Variants in FAM167A observed in about 807,000 individuals in gnomAD.
FAM167A encodes family with sequence similarity 167 member A.
FAM167A carries 23 observed loss-of-function variants against 14.9 expected under a neutral mutation model. That is an observed-to-expected ratio of 1.55 (90% confidence interval 1.11 to 2.19). The LOEUF (loss-of-function observed/expected upper bound fraction) is 2.19, where lower values mean the gene tolerates loss of function less well. FAM167A is among the 30% of genes most tolerant of loss of function. The pLI is 0.00. For synonymous variants in FAM167A, 174 were observed against 117.7 expected, an observed-to-expected ratio of 1.48 and a Z score of -3.10; for missense variants, 401 against 281.5, an observed-to-expected ratio of 1.42 and a Z score of -3.04.
chr8:11,463,461 G>A (rs1354957310), intron 1 of FAM167A, among the ~76,000 whole-genome samples: 2 of 152,234 alleles, frequency 1.3e-5, no homozygotes, highest in Non-Finnish European at 2.9e-5. Flanking sequence ...CCTAGGGGCT[G>A]CTGTGCCCAG....
chr8:11,449,662 CCAG>C (rs751779155), intron 1 of FAM167A, among the ~76,000 whole-genome samples: 1 of 152,228 alleles, frequency 6.6e-6, no homozygotes, highest in Admixed American at 6.5e-5. Flanking sequence ...GGCAGGCCAC[CCAG>C]CAGCAGTGGG....
At chr8:11,428,487 T>C (rs1805342005) in intron 2 of FAM167A, among the ~76,000 whole-genome samples, 1 of 152,214 alleles carries the variant, frequency 6.6e-6, no homozygotes, top group Non-Finnish European at 1.5e-5. Context: ...AAGCTGCAGC[T>C]TCAACAGGGA....
chr8:11,458,799 A>C (rs79396650), intron 1 of FAM167A, among the ~76,000 whole-genome samples: 2 of 151,966 alleles, frequency 1.3e-5, no homozygotes, highest in Admixed American at 6.5e-5. Flanking sequence ...AAAAAAACAG[A>C]AAGAGAGAGA....
At chr8:11,464,580 C>A (rs1392459580) in intron 1 of FAM167A, among the ~76,000 whole-genome samples, 1 of 152,240 alleles carries the variant, frequency 6.6e-6, no homozygotes, top group Non-Finnish European at 1.5e-5. Flanking sequence ...GCCAGCCAGG[C>A]TAATCCTAAG....
chr8:11,475,484 T>C (rs998448726), intron 1 of FAM167A, among the ~76,000 whole-genome samples: 1 of 151,980 alleles, frequency 6.6e-6, no homozygotes, highest in African/African-American at 2.4e-5. Context: ...TCTCAGAGTC[T>C]AAAAGAAATC....
At chr8:11,435,616 T>C (rs1182627911) in intron 2 of FAM167A, among the ~76,000 whole-genome samples, 1 of 152,124 alleles carries the variant, frequency 6.6e-6, no homozygotes, top group Non-Finnish European at 1.5e-5. Flanking sequence ...CCCTCTGGGA[T>C]CTCCCACTGC....
Position 11,423,228 on chromosome 8 carries a change from A to G in FAM167A, c.*1145T>C, listed in dbSNP as rs3021510. 13,260 of 152,214 alleles carry G rather than the reference A, an allele frequency of 0.087. 623 individuals are homozygous for G. The highest frequency in any genetic ancestry group is 0.18 in the Middle Eastern group (54 of 292). 9.4% of individuals were successfully genotyped at this position (152,214 alleles called of 1,614,324 possible). ...CCCCTGCCATGCCGTATGACCCCAG[A>G]CTGACCTCCCTAACCTGCTGGGGTC... is the stretch of plus-strand genomic sequence containing the variant. On this transcript the variant is annotated 3_prime_UTR_variant, in exon 3 of 3. Coordinates refer to ENST00000284486, the MANE Select transcript of FAM167A (RefSeq NM_053279.3).
chr8:11,469,046 T>C (rs1412394590), upstream of FAM167A, among the ~76,000 whole-genome samples: 1 of 152,234 alleles, frequency 6.6e-6, no homozygotes, highest in Admixed American at 6.5e-5. Context: ...CAGAATGGTA[T>C]GTAGCCATAG....
intron 2 of FAM167A, among the ~76,000 whole-genome samples, chr8:11,441,139 C>T (rs1482189658): frequency 2.0e-5 from 3 of 152,192 alleles, no homozygotes; most frequent in Admixed American, 6.5e-5. Context: ...GAGTGTGGTT[C>T]TTGGACCACT....
chr8:11,447,182 TC>T (rs199517546), intron 1 of FAM167A, among the ~76,000 whole-genome samples: 6 of 110,456 alleles, frequency 5.4e-5, no homozygotes, highest in East Asian at 7.1e-4. Context: ...TGGTTTCTTT[TC>T]TTTTTCTTTT....
At chr8:11,467,889 C>A (rs1563396106), upstream of FAM167A, among the ~76,000 whole-genome samples, 1 of 152,262 alleles carries the variant, frequency 6.6e-6, no homozygotes, top group Non-Finnish European at 1.5e-5. Context: ...CCTAGTCATG[C>A]TAATGAGGGA....
chr8:11,444,621 C>T lies in FAM167A; in HGVS notation c.-210G>A, dbSNP rs3021515. ...CGCACAGGGCGCCCTCCTGGAGGCT[C>T]GGGTCTATGATCCGTCCTGGAAGCC... On this transcript the variant is annotated 5_prime_UTR_variant, in exon 2 of 3. Transcript: ENST00000284486. 100 of 1,362,128 alleles carry T rather than the reference C, an allele frequency of 7.3e-5. No individual in the cohort carries two copies. The highest frequency in any genetic ancestry group is 2.7e-4 in the Middle Eastern group (1 of 3,714). 84.4% of individuals were successfully genotyped at this position (1,362,128 alleles called of 1,614,324 possible).
chr8:11,435,031 C>T (rs528976142), intron 2 of FAM167A: 1 of 456,888 alleles, frequency 2.2e-6, no homozygotes, highest in African/African-American at 2.0e-5. Flanking sequence ...GCCTGCCTCC[C>T]CCCCTCACTC....
intron 2 of FAM167A, among the ~76,000 whole-genome samples, chr8:11,432,889 A>C (rs1805711384): frequency 6.6e-6 from 1 of 152,234 alleles, no homozygotes; most frequent in African/African-American, 2.4e-5. Context: ...AGCCATAAAA[A>C]AGGATGAGTT....
In FAM167A at chr8:11,424,387, A is replaced by G. The variant is rs746097006; in HGVS notation, c.631T>C (p.Phe211Leu). The change falls in exon 3 of 3, where the codon TTC becomes CTC. Residue 211 changes from phenylalanine (F) to leucine (L), a missense_variant. By Grantham distance (22) the Phe-to-Leu change is conservative. Coordinates refer to ENST00000284486, the MANE Select transcript of FAM167A (RefSeq NM_053279.3). Reference protein sequence around the residue: ...VTKMNINSRRFSLC With the variant: ...VTKMNINSRRLSLC Reference sequence around the variant, plus strand: ...CTGAGGGCTCCTCAGCAGAGAGAGAACCTCCGAGAGTTGATGTTCATCTTG... The same window carrying G: ...CTGAGGGCTCCTCAGCAGAGAGAGAGCCTCCGAGAGTTGATGTTCATCTTG... 1 of 1,613,810 alleles carries G rather than the reference A, an allele frequency of 6.2e-7. No homozygotes were observed. The highest frequency in any genetic ancestry group is 8.5e-7 in the Non-Finnish European group (1 of 1,179,938).
At chr8:11,434,012 A>T (rs1805809032) in intron 2 of FAM167A, 1 of 152,224 alleles carries the variant, frequency 6.6e-6, no homozygotes, top group South Asian at 2.1e-4. Flanking sequence ...TTGGTCCCTG[A>T]GAAAGAGCCA....
intron 1 of FAM167A, among the ~76,000 whole-genome samples, chr8:11,449,686 T>TG (rs944553615): frequency 9.9e-5 from 15 of 152,094 alleles, no homozygotes; most frequent in African/African-American, 2.4e-4. Flanking sequence ...GACAAGCCCT[T>TG]GGGGGGGCGC....
At chr8:11,431,745 G>T (rs1201268710) in intron 2 of FAM167A, among the ~76,000 whole-genome samples, 3 of 151,894 alleles carry the variant, frequency 2.0e-5, no homozygotes, top group Non-Finnish European at 2.9e-5. Context: ...AGCCTGGACA[G>T]TTGGAGGGTG....
rs1325984760 is a variant in FAM167A at position 11,421,930 on chromosome 8, C to T, written c.*2443G>A. On this transcript the variant is annotated 3_prime_UTR_variant, in exon 3 of 3. Coordinates refer to ENST00000284486, the MANE Select transcript of FAM167A (RefSeq NM_053279.3). Reference sequence around the variant, plus strand: ...CTGAATTAATGTGGTTAGTTGTGTTCACTGTGCAAAGTAAGGAAGCCAGTC... The same window carrying T: ...CTGAATTAATGTGGTTAGTTGTGTTTACTGTGCAAAGTAAGGAAGCCAGTC... 1.3e-5 allele frequency: 5 copies of T among 398,006 alleles called. No homozygotes were observed. Among genetic ancestry groups the T allele is most frequent in the Non-Finnish European group, 2.2e-5 (5 of 226,006 alleles). The allele number at this position is 398,006 out of a possible 1,614,324, so 24.7% of individuals were successfully genotyped here.
Sources: gnomAD v4.1 joint callset for allele counts (sites outside exome capture counted in the v4.1 genomes callset) on GRCh38, gnomAD v4.1.1 for gene constraint, MANE v1.5 for transcripts, NCBI Gene and HGNC (gene_info 2026-07-23, HGNC 2026-07-21) for gene names.